Variants in MIS18A observed in about 807,000 individuals in gnomAD.
MIS18A encodes MIS18 kinetochore protein A, also known as protein Mis18-alpha.
A neutral mutation model predicts 25.0 loss-of-function variants in MIS18A; 14 were observed. That is an observed-to-expected ratio of 0.56 (90% CI 0.37 to 0.88). MIS18A has a LOEUF of 0.88. Ranked by LOEUF, MIS18A falls within the 40% of genes least tolerant of loss-of-function variation. The probability of loss-of-function intolerance (pLI) is 0.00; values close to 1 mark genes in which losing one functional copy is unlikely to be tolerated. For missense variants in MIS18A, 292 were observed against 290.8 expected, an observed-to-expected ratio of 1.00 and a Z score of -0.03; for synonymous variants, 134 against 118.6, an observed-to-expected ratio of 1.13 and a Z score of -0.84.
chr21:32,263,516 G>T (rs1182372462), downstream of MIS18A, among the ~76,000 whole-genome samples: 1 of 152,160 alleles, frequency 6.6e-6, no homozygotes, highest in Non-Finnish European at 1.5e-5. Flanking sequence ...CCCAAGAACC[G>T]CTTGAACCCA....
At chr21:32,253,835 A>T in the MIS18A span, among the ~76,000 whole-genome samples, 1 of 152,246 alleles carries the variant, frequency 6.6e-6, no homozygotes, top group Non-Finnish European at 1.5e-5. Context: ...CAATTGGTTC[A>T]TAAAAATTTG....
the MIS18A span, among the ~76,000 whole-genome samples, chr21:32,197,179 G>T: frequency 6.6e-6 from 1 of 152,202 alleles, no homozygotes; most frequent in East Asian, 1.9e-4. Flanking sequence ...GATCCCTCGG[G>T]ATAGCTTCTG....
the MIS18A span, among the ~76,000 whole-genome samples, chr21:32,185,024 G>A: frequency 2.0e-5 from 3 of 151,984 alleles, no homozygotes; most frequent in East Asian, 5.8e-4. Flanking sequence ...TCCCTCAAAG[G>A]CTGCTTAAAG....
At chr21:32,175,564 C>T in the MIS18A span, among the ~76,000 whole-genome samples, 1 of 150,090 alleles carries the variant, frequency 6.7e-6, no homozygotes. Flanking sequence ...AATCCCAGCA[C>T]TTTGGGAGGT....
the MIS18A span, among the ~76,000 whole-genome samples, chr21:32,163,042 C>T: frequency 6.6e-6 from 1 of 152,192 alleles, no homozygotes; most frequent in Non-Finnish European, 1.5e-5. Flanking sequence ...AAAGTCCCAT[C>T]ATAAACTACC....
the MIS18A span, among the ~76,000 whole-genome samples, chr21:32,163,273 C>T: frequency 6.6e-6 from 1 of 152,208 alleles, no homozygotes; most frequent in African/African-American, 2.4e-5. Context: ...TGGGTAGATA[C>T]ATCCCTGAGG....
At chr21:32,238,660 C>G in the MIS18A span, among the ~76,000 whole-genome samples, 1 of 152,200 alleles carries the variant, frequency 6.6e-6, no homozygotes, top group South Asian at 2.1e-4. Flanking sequence ...ACCATCACCT[C>G]TATGCCCTTG....
chr21:32,198,267 A>G, the MIS18A span, among the ~76,000 whole-genome samples: 1 of 152,254 alleles, frequency 6.6e-6, no homozygotes, highest in East Asian at 1.9e-4. Flanking sequence ...AGTGAGCTAC[A>G]CTGATGAGAA....
At chr21:32,205,121 T>TC in the MIS18A span, among the ~76,000 whole-genome samples, 1 of 140,820 alleles carries the variant, frequency 7.1e-6, no homozygotes, top group Non-Finnish European at 1.5e-5. Context: ...TTTTTTTTTT[T>TC]TGAGACAGAG....
chr21:32,206,198 A>G, the MIS18A span, among the ~76,000 whole-genome samples: 1 of 152,082 alleles, frequency 6.6e-6, no homozygotes, highest in Non-Finnish European at 1.5e-5. Flanking sequence ...AGGCTCTTGG[A>G]GACTTGCATC....
the MIS18A span, among the ~76,000 whole-genome samples, chr21:32,196,530 G>A: frequency 8.7e-5 from 13 of 149,228 alleles, no homozygotes; most frequent in Middle Eastern, 3.2e-3. Flanking sequence ...GCACAATCTC[G>A]GCTCACTGCA....
the MIS18A span, among the ~76,000 whole-genome samples, chr21:32,223,765 C>G: frequency 6.6e-6 from 1 of 152,172 alleles, no homozygotes; most frequent in Admixed American, 6.5e-5. Flanking sequence ...GAACTCCTCC[C>G]TAACTCATTT....
At chr21:32,261,000 G>A in the MIS18A span, 3 of 152,242 alleles carry the variant, frequency 2.0e-5, no homozygotes, top group Non-Finnish European at 4.4e-5. Context: ...GACAGAGTGA[G>A]ACGACCTAAA....
At chr21:32,275,801 C>T (rs528849970) in intron 1 of MIS18A, among the ~76,000 whole-genome samples, 7 of 152,218 alleles carry the variant, frequency 4.6e-5, no homozygotes, top group Non-Finnish European at 5.9e-5. Context: ...TGTATCTACT[C>T]CACTGATCCA....
At chr21:32,166,211 G>A in the MIS18A span, among the ~76,000 whole-genome samples, 1 of 152,168 alleles carries the variant, frequency 6.6e-6, no homozygotes, top group African/African-American at 2.4e-5. Context: ...CCATTGCAAT[G>A]TATCTCACAA....
the MIS18A span, among the ~76,000 whole-genome samples, chr21:32,196,802 T>TATTA: frequency 6.6e-6 from 1 of 152,066 alleles, no homozygotes; most frequent in Non-Finnish European, 1.5e-5. Flanking sequence ...TGATGATTAA[T>TATTA]AGAGAGATAG....
At chr21:32,255,138 T>C in the MIS18A span, among the ~76,000 whole-genome samples, 18 of 152,208 alleles carry the variant, frequency 1.2e-4, no homozygotes, top group African/African-American at 4.1e-4. Context: ...TGGTTACTTA[T>C]GGAGATACTT....
the MIS18A span, among the ~76,000 whole-genome samples, chr21:32,232,245 A>C: frequency 4.6e-5 from 7 of 152,024 alleles, no homozygotes; most frequent in African/African-American, 1.7e-4. Context: ...ATCTATAGAT[A>C]TATCTAGATA....
At chr21:32,166,837 G>T in the MIS18A span, among the ~76,000 whole-genome samples, 1 of 152,100 alleles carries the variant, frequency 6.6e-6, no homozygotes, top group Non-Finnish European at 1.5e-5. Context: ...TTCCAAAGAA[G>T]AGAATATGGA....
Sources: allele counts gnomAD v4.1 joint callset (sites outside exome capture counted in the v4.1 genomes callset), GRCh38; gene constraint gnomAD v4.1.1; transcripts MANE v1.5; gene names NCBI Gene and HGNC (gene_info 2026-07-23, HGNC 2026-07-21).